Variants in SNTG2 observed in about 807,000 individuals in gnomAD.
SNTG2 encodes gamma-2-syntrophin.
In SNTG2, 74 loss-of-function variants were observed where a neutral mutation model predicts 70.9. The ratio of observed to expected loss-of-function variants is 1.04; its 90% CI spans 0.86 to 1.27. SNTG2 has a LOEUF of 1.27. Ranked by LOEUF, SNTG2 falls within the 50% of genes most tolerant of loss-of-function variation. The pLI is 0.00. For missense variants in SNTG2, 717 were observed against 690.7 expected, an observed-to-expected ratio of 1.04 and a Z score of -0.43; for synonymous variants, 278 against 273.8, an observed-to-expected ratio of 1.02 and a Z score of -0.15.
At chr2:1,138,198 G>T (rs572589742) in intron 6 of SNTG2, among the ~76,000 whole-genome samples, 57 of 152,338 alleles carry the variant, frequency 3.7e-4, no homozygotes, top group African/African-American at 1.3e-3. Context: ...GCTGGAGCCT[G>T]CAGGGCCTTC....
chr2:995,878 A>C (rs1045540011), intron 1 of SNTG2, among the ~76,000 whole-genome samples: 3 of 152,206 alleles, frequency 2.0e-5, no homozygotes, highest in Non-Finnish European at 4.4e-5. Flanking sequence ...AAGAAACACA[A>C]TCAGGAGGAG....
intron 15 of SNTG2, among the ~76,000 whole-genome samples, chr2:1,315,335 G>A (rs536830216): frequency 3.9e-5 from 6 of 152,200 alleles, no homozygotes; most frequent in East Asian, 1.9e-4. Flanking sequence ...AAATAAACCC[G>A]TCAATGGTCA....
intron 9 of SNTG2, among the ~76,000 whole-genome samples, chr2:1,218,786 G>A (rs996861991): frequency 2.6e-5 from 4 of 152,198 alleles, no homozygotes; most frequent in African/African-American, 4.8e-5. Context: ...TCACCCTCTT[G>A]GGGCCATGAC....
At chr2:1,366,550 TTTTA>T (rs1461131379) in intron 16 of SNTG2, among the ~76,000 whole-genome samples, 1 of 152,144 alleles carries the variant, frequency 6.6e-6, no homozygotes, top group African/African-American at 2.4e-5. Flanking sequence ...GTTTCAGTTT[TTTTA>T]TTGGGAGGGG....
intron 8 of SNTG2, among the ~76,000 whole-genome samples, chr2:1,203,726 G>A (rs1168390611): frequency 6.7e-6 from 1 of 149,624 alleles, no homozygotes; most frequent in East Asian, 1.9e-4. Context: ...GTGTGTATAT[G>A]TATATGTATA....
Position 1,299,719 on chromosome 2 carries a change from C to T in SNTG2, c.1285-8775C>T, listed in dbSNP as rs368199254. 9.4e-4 allele frequency among the ~76,000 whole-genome samples: 143 copies of T among 152,274 alleles called. 1 individual carries two copies. In the South Asian group the frequency reaches 0.026, roughly 28 times the overall value. On this transcript the variant is annotated intron_variant, in intron 14 of 16. Transcript: ENST00000308624. ...CAACTGCAATGCTGAGCTGTGGTGC[C>T]GGAAGCAATAAATGAGGAGTCAGGA... is the stretch of plus-strand genomic sequence containing the variant.
Position 1,164,582 on chromosome 2 carries a change from G to A in SNTG2, c.412-966G>A, listed in dbSNP as rs111406365. ...GGCGAGGTGGGATATGCCTGGCCTA[G>A]GAGGATGAAGTGAGATAGGAACCTG... On this transcript the variant is annotated intron_variant, in intron 6 of 16. Coordinates refer to ENST00000308624, the MANE Select transcript of SNTG2 (RefSeq NM_018968.4). Among the ~76,000 whole-genome samples the A allele has an allele frequency of 5.4e-3, 800 of 148,638 alleles. 3 individuals are homozygous for A. The highest frequency in any genetic ancestry group is 0.019 in the African/African-American group (747 of 39,626).
intron 16 of SNTG2, chr2:1,341,081 G>A (rs1003014510): frequency 3.3e-5 from 5 of 152,130 alleles, no homozygotes; most frequent in Non-Finnish European, 7.3e-5. Flanking sequence ...GAGACCTTTG[G>A]CTGCCAAGGG....
chr2:1,018,341 A>C (rs895925547), intron 1 of SNTG2, among the ~76,000 whole-genome samples: 36 of 152,132 alleles, frequency 2.4e-4, no homozygotes, highest in Non-Finnish European at 3.4e-4. Flanking sequence ...GGGTGTCTTC[A>C]TTTACTGGCC....
intron 14 of SNTG2, among the ~76,000 whole-genome samples, chr2:1,302,069 C>T (rs1269378751): frequency 1.3e-5 from 2 of 151,742 alleles, no homozygotes; most frequent in African/African-American, 4.8e-5. Context: ...TGAAGAGATT[C>T]TCCTGCCTCA....
chr2:1,316,207 C>G (rs1681271021), intron 15 of SNTG2, 58 bp from the exon 16 acceptor site: 1 of 797,574 alleles, frequency 1.3e-6, no homozygotes, highest in Admixed American at 2.4e-5. Flanking sequence ...GTAACAGATG[C>G]TAATTAAATA....
intron 14 of SNTG2, among the ~76,000 whole-genome samples, chr2:1,306,063 G>A (rs190734321): frequency 1.3e-5 from 2 of 152,338 alleles, no homozygotes; most frequent in African/African-American, 4.8e-5. Flanking sequence ...TGAGCTGTGA[G>A]AATGTCACCT....
At chr2:1,246,432 C>T (rs1347993614) in intron 11 of SNTG2, among the ~76,000 whole-genome samples, 4 of 152,190 alleles carry the variant, frequency 2.6e-5, no homozygotes, top group African/African-American at 7.2e-5. Flanking sequence ...CTTACCTGGG[C>T]GGCTCCAGCA....
chr2:1,346,727 C>T (rs1038741795), intron 16 of SNTG2, among the ~76,000 whole-genome samples: 1 of 152,182 alleles, frequency 6.6e-6, no homozygotes, highest in Non-Finnish European at 1.5e-5. Flanking sequence ...TGGTTTCATA[C>T]ATTTCAGGCT....
At chr2:1,060,012 A>G (rs1459998192) in intron 1 of SNTG2, among the ~76,000 whole-genome samples, 2 of 152,190 alleles carry the variant, frequency 1.3e-5, no homozygotes, top group Non-Finnish European at 2.9e-5. Context: ...AAAGAGATGG[A>G]AAGAATGGTT....
intron 1 of SNTG2, among the ~76,000 whole-genome samples, chr2:987,548 A>T (rs905647256): frequency 2.6e-4 from 40 of 152,178 alleles, no homozygotes; most frequent in African/African-American, 9.4e-4. Flanking sequence ...AGGGGACTCC[A>T]GCGTCTCTAG....
At chr2:1,161,736 T>G (rs1670292574) in intron 6 of SNTG2, 1 of 152,206 alleles carries the variant, frequency 6.6e-6, no homozygotes, top group Non-Finnish European at 1.5e-5. Context: ...ACATTTGGGA[T>G]TAAAAAATAA....
intron 12 of SNTG2, among the ~76,000 whole-genome samples, chr2:1,253,637 T>C (rs1473059892): frequency 1.3e-5 from 2 of 152,130 alleles, no homozygotes; most frequent in East Asian, 1.9e-4. Context: ...AGGAAGAATA[T>C]TGAAGGAGAA....
Position 1,222,085 on chromosome 2 carries a change from G to GCCTA in SNTG2, c.719+12855_719+12856insCCTA, listed in dbSNP as rs1191551370. 8.3e-4 allele frequency among the ~76,000 whole-genome samples: 6 copies of GCCTA among 7,210 alleles called. 1 individual carries two copies. Among genetic ancestry groups the GCCTA allele is most frequent in the South Asian group, 5.9e-3 (1 of 170 alleles). The allele number at this position is 7,210 out of a possible 152,430, so 4.7% of individuals were successfully genotyped here. A position where few individuals can be genotyped will look rare whatever the true frequency, so the allele number is the denominator to read the frequency against. ...TCTGTTTCTCTCTGTCTCTGTCTCTGTCTCTCTCTGTCTCTCTCTGTCTCT... is the reference window on the plus strand; with the variant it reads ...TCTGTTTCTCTCTGTCTCTGTCTCTGCCTATCTCTCTCTGTCTCTCTCTGTCTCT... On this transcript the variant is annotated intron_variant, in intron 9 of 16. Transcript: ENST00000308624.
Sources: allele counts gnomAD v4.1 joint callset (sites outside exome capture counted in the v4.1 genomes callset), GRCh38; gene constraint gnomAD v4.1.1; transcripts MANE v1.5; gene names NCBI Gene and HGNC (gene_info 2026-07-23, HGNC 2026-07-21).